Variants in MARCHF8 observed in about 807,000 individuals in gnomAD.
MARCHF8 encodes the protein E3 ubiquitin-protein ligase MARCHF8.
MARCHF8 carries 40 observed loss-of-function variants against 51.6 expected under a neutral mutation model. That is an observed-to-expected ratio of 0.77 (90% CI 0.60 to 1.01). The LOEUF (loss-of-function observed/expected upper bound fraction) is 1.01, where lower values mean the gene tolerates loss of function less well. MARCHF8 is among the 50% of genes least tolerant of loss of function. The pLI, the probability that MARCHF8 is intolerant of heterozygous loss-of-function variation, is 0.00. For synonymous variants in MARCHF8, 263 were observed against 280.3 expected (o/e 0.94, Z 0.62); for missense variants, 685 against 708.6 (o/e 0.97, Z 0.38).
chr10:45,546,819 T>C (rs2044129150), intron 1 of MARCHF8, among the ~76,000 whole-genome samples: 1 of 150,850 alleles, frequency 6.6e-6, no homozygotes, highest in African/African-American at 2.4e-5. Context: ...AAAATATATA[T>C]GCAATTACCA....
intron 2 of MARCHF8, among the ~76,000 whole-genome samples, chr10:45,520,101 A>G (rs967313927): frequency 1.3e-5 from 2 of 152,184 alleles, no homozygotes; most frequent in African/African-American, 4.8e-5. Flanking sequence ...TTTGATTCTC[A>G]GCTTCCAAAT....
At chr10:45,469,561 G>C (rs1469144809) in intron 3 of MARCHF8, among the ~76,000 whole-genome samples, 1 of 152,094 alleles carries the variant, frequency 6.6e-6, no homozygotes, top group African/African-American at 2.4e-5. Context: ...AGTGAACTGG[G>C]TTTCAATATA....
intron 3 of MARCHF8, among the ~76,000 whole-genome samples, chr10:45,467,135 G>A (rs1436973478): frequency 6.6e-6 from 1 of 152,140 alleles, no homozygotes; most frequent in Non-Finnish European, 1.5e-5. Context: ...GGCATCCTCT[G>A]CCTACATTTC....
intron 2 of MARCHF8, among the ~76,000 whole-genome samples, chr10:45,491,137 C>A (rs1257635153): frequency 6.6e-6 from 1 of 152,196 alleles, no homozygotes; most frequent in Non-Finnish European, 1.5e-5. Context: ...AAGTAATTCT[C>A]CCATCTGAGC....
chr10:45,527,741 CCTCT>C (rs1407429692), intron 2 of MARCHF8, among the ~76,000 whole-genome samples: 1 of 152,016 alleles, frequency 6.6e-6, no homozygotes, highest in African/African-American at 2.4e-5. Flanking sequence ...TGAAGAAAAT[CCTCT>C]CTAACTGAAG....
At chr10:45,570,369 C>G (rs993262222) in intron 1 of MARCHF8, among the ~76,000 whole-genome samples, 2 of 152,216 alleles carry the variant, frequency 1.3e-5, no homozygotes, top group Non-Finnish European at 2.9e-5. Context: ...ATATAAAAGG[C>G]AATTTCATTT....
chr10:45,492,270 G>A (rs894787768), intron 2 of MARCHF8, among the ~76,000 whole-genome samples: 22 of 151,756 alleles, frequency 1.4e-4, no homozygotes, highest in African/African-American at 4.8e-4. Flanking sequence ...AATAAACACT[G>A]CTCTTTTTCT....
intron 1 of MARCHF8, among the ~76,000 whole-genome samples, chr10:45,563,069 C>G (rs1197402980): frequency 1.3e-5 from 2 of 152,182 alleles, no homozygotes; most frequent in East Asian, 3.9e-4. Context: ...CTCTGTCACC[C>G]AGGCTGGAGT....
intron 7 of MARCHF8, 65 bp downstream of exon 7, chr10:45,459,055 G>T (rs539747417): frequency 1.1e-5 from 18 of 1,590,950 alleles, no homozygotes; most frequent in African/African-American, 9.5e-5. Context: ...AAAATCCTCT[G>T]ACCCCAGGAC....
At chr10:45,502,969 G>C (rs1310669668) in intron 2 of MARCHF8, among the ~76,000 whole-genome samples, 1 of 152,178 alleles carries the variant, frequency 6.6e-6, no homozygotes, top group Non-Finnish European at 1.5e-5. Context: ...GAGGGGCTCT[G>C]AAGGTATGCA....
intron 1 of MARCHF8, among the ~76,000 whole-genome samples, chr10:45,543,514 T>C (rs1314717526): frequency 1.3e-5 from 2 of 152,164 alleles, no homozygotes; most frequent in Admixed American, 6.5e-5. Context: ...AAGACTTGTA[T>C]CTGGCCGGGC....
rs755628332 is a variant in MARCHF8 at position 45,463,479 on chromosome 10, G to A, written c.760C>T (p.Arg254Ter). 345 of 1,550,502 alleles carry A rather than the reference G, an allele frequency of 2.2e-4. 1 individual carries two copies. The highest frequency in any genetic ancestry group is 2.8e-4 in the Non-Finnish European group (319 of 1,147,008). ...EEKADGEATS[R>*]SRQLLQYLFS... is the part of the protein sequence containing the mutation. ...AGGTACTGGAGCAGTTGCCGGCTTC[G>A]GGACGTGGCCTCACCATCCGCCTTC... Residue 254 changes from arginine to a stop codon, truncating the protein, a stop_gained, in exon 5 of 8, where the codon CGA (arginine) becomes TGA (stop). Coordinates refer to ENST00000453424, the MANE Select transcript of MARCHF8 (RefSeq NM_001282866.2). LOFTEE classifies it high-confidence loss of function.
intron 1 of MARCHF8, among the ~76,000 whole-genome samples, chr10:45,545,146 C>CAGTT (rs71299644): frequency 0.062 from 9,378 of 152,254 alleles, 327 homozygotes; most frequent in Non-Finnish European, 0.066. Flanking sequence ...ACAATGTTCA[C>CAGTT]AGAATGTTAC....
At chr10:45,593,255 G>A (rs995957304) in intron 1 of MARCHF8, among the ~76,000 whole-genome samples, 1 of 150,884 alleles carries the variant, frequency 6.6e-6, no homozygotes, top group Non-Finnish European at 1.5e-5. Context: ...TAAACTTCAA[G>A]TTTCAGTACA....
chr10:45,482,626 C>T (rs1339217414), intron 3 of MARCHF8, among the ~76,000 whole-genome samples: 1 of 152,144 alleles, frequency 6.6e-6, no homozygotes, highest in Non-Finnish European at 1.5e-5. Context: ...TGGTGGTATG[C>T]ACCTGTAATC....
At chr10:45,459,318 G>A (rs138374938) in intron 6 of MARCHF8, 51 bp from the exon 7 acceptor site, 928 of 1,594,016 alleles carry the variant, frequency 5.8e-4, no homozygotes, top group Non-Finnish European at 7.5e-4. Context: ...GAAGGGCTCC[G>A]GTGGGGTGAG....
chr10:45,561,895 C>T (rs1283191368), intron 1 of MARCHF8, among the ~76,000 whole-genome samples: 4 of 126,146 alleles, frequency 3.2e-5, no homozygotes, highest in South Asian at 2.5e-4. Context: ...AGCAAGACTC[C>T]GTCTCAAAAA....
Position 45,521,209 on chromosome 10 carries a change from G to A in MARCHF8, c.102+11901C>T, listed in dbSNP as rs2043699882. Reference sequence around the variant, plus strand: ...TATGATATATCTGAATCCAGAATGTGCCCAAATACCTTCATTTTGAAGCCT... The same window carrying A: ...TATGATATATCTGAATCCAGAATGTACCCAAATACCTTCATTTTGAAGCCT... On this transcript the variant is annotated intron_variant, in intron 2 of 7. Coordinates refer to ENST00000453424, the MANE Select transcript of MARCHF8 (RefSeq NM_001282866.2). Among the ~76,000 whole-genome samples the A allele has an allele frequency of 9.9e-5, 15 of 152,146 alleles. 1 individual carries two copies. The highest frequency in any genetic ancestry group is 9.8e-4 in the Admixed American group (15 of 15,282).
At chr10:45,556,650 C>T (rs1265974416) in intron 1 of MARCHF8, among the ~76,000 whole-genome samples, 5 of 152,200 alleles carry the variant, frequency 3.3e-5, no homozygotes, top group African/African-American at 7.2e-5. Context: ...TATGTTAAAA[C>T]GGCTTCTCCG....
Sources: allele counts gnomAD v4.1 joint callset (sites outside exome capture counted in the v4.1 genomes callset), GRCh38; gene constraint gnomAD v4.1.1; transcripts MANE v1.5; gene names NCBI Gene and HGNC (gene_info 2026-07-23, HGNC 2026-07-21).